Variants in TMEM132C observed in about 807,000 individuals in gnomAD.
The protein encoded by TMEM132C is protein phosphatase 1, regulatory subunit 152.
A neutral mutation model predicts 61.4 loss-of-function variants in TMEM132C; 29 were observed. The observed-to-expected ratio is 0.47, with a 90% CI of 0.35 to 0.64. TMEM132C has a LOEUF of 0.64. TMEM132C is among the 30% of genes least tolerant of loss of function. The pLI is 0.00. For missense variants in TMEM132C, 1,408 were observed against 1,476.9 expected, an observed-to-expected ratio of 0.95 and a Z score of 0.76; for synonymous variants, 656 against 633.1, an observed-to-expected ratio of 1.04 and a Z score of -0.54.
intron 3 of TMEM132C, among the ~76,000 whole-genome samples, chr12:128,573,661 T>C (rs940882800): frequency 1.3e-5 from 2 of 151,508 alleles, no homozygotes; most frequent in African/African-American, 4.9e-5. Flanking sequence ...GTCCAATTCA[T>C]GGGACAGAAA....
intron 1 of TMEM132C, among the ~76,000 whole-genome samples, chr12:128,402,985 C>A (rs1487686747): frequency 6.6e-6 from 1 of 152,190 alleles, no homozygotes; most frequent in African/African-American, 2.4e-5. Context: ...ACTATCCCCC[C>A]AGGGGCTCAG....
intron 2 of TMEM132C, among the ~76,000 whole-genome samples, chr12:128,503,493 T>G (rs1297983475): frequency 6.6e-6 from 1 of 152,190 alleles, no homozygotes; most frequent in African/African-American, 2.4e-5. Context: ...AAGTGGGGGA[T>G]TGGGCTGGAC....
At chr12:128,290,764 A>G (rs946109812) in intron 1 of TMEM132C, among the ~76,000 whole-genome samples, 3 of 151,942 alleles carry the variant, frequency 2.0e-5, no homozygotes, top group African/African-American at 7.3e-5. Context: ...AGGAGAGAAC[A>G]TGATCCCTTA....
chr12:128,416,900 T>C (rs1208480955), intron 2 of TMEM132C, among the ~76,000 whole-genome samples: 2 of 152,162 alleles, frequency 1.3e-5, no homozygotes, highest in East Asian at 3.9e-4. Context: ...CTTACATCTT[T>C]TTATGAGATT....
chr12:128,508,768 G>A (rs531050390), intron 2 of TMEM132C, among the ~76,000 whole-genome samples: 15 of 152,330 alleles, frequency 9.8e-5, no homozygotes, highest in Admixed American at 2.0e-4. Flanking sequence ...ATCTGTAGCT[G>A]TTGACACCCG....
intron 3 of TMEM132C, among the ~76,000 whole-genome samples, chr12:128,589,341 C>T (rs1245615987): frequency 6.6e-6 from 1 of 152,174 alleles, no homozygotes; most frequent in Non-Finnish European, 1.5e-5. Flanking sequence ...TTTCTGCAGC[C>T]TGCATCCCTC....
intron 1 of TMEM132C, among the ~76,000 whole-genome samples, chr12:128,359,254 C>T (rs1443703316): frequency 6.6e-6 from 1 of 152,188 alleles, no homozygotes; most frequent in Non-Finnish European, 1.5e-5. Flanking sequence ...CCTCACAGTT[C>T]CTCATGGCTG....
rs139117012 is a variant in TMEM132C at position 128,508,565 on chromosome 12, C to T, written c.975-35392C>T. 1.2e-4 allele frequency among the ~76,000 whole-genome samples: 18 copies of T among 152,302 alleles called. 1 individual carries two copies. Among genetic ancestry groups the T allele is most frequent in the African/African-American group, 3.8e-4 (16 of 41,568 alleles). ...CAGCTGTGTGCAGAGCCACTTCCTGCGGCCTCCAAGCAAGTGCTGCATGCA... is the reference window on the plus strand; with the variant it reads ...CAGCTGTGTGCAGAGCCACTTCCTGTGGCCTCCAAGCAAGTGCTGCATGCA... On this transcript the variant is annotated intron_variant, in intron 2 of 8. Transcript: ENST00000435159.
At chr12:128,311,451 A>G (rs1293851139) in intron 1 of TMEM132C, among the ~76,000 whole-genome samples, 2 of 152,190 alleles carry the variant, frequency 1.3e-5, no homozygotes, top group Non-Finnish European at 2.9e-5. Context: ...GATGAGAGGG[A>G]CACAGCAGGC....
chr12:128,458,299 A>AGTT (rs1431487349), intron 2 of TMEM132C, among the ~76,000 whole-genome samples: 2 of 1,954 alleles, frequency 1.0e-3, no homozygotes, highest in African/African-American at 1.1e-3. Flanking sequence ...GTAATTATAT[A>AGTT]ATTATACTAA....
chr12:128,517,124 A>G (rs1454816491), intron 2 of TMEM132C, among the ~76,000 whole-genome samples: 1 of 151,586 alleles, frequency 6.6e-6, no homozygotes, highest in Non-Finnish European at 1.5e-5. Context: ...GCAGCTACTC[A>G]TGAGTCTGGG....
intron 2 of TMEM132C, among the ~76,000 whole-genome samples, chr12:128,430,817 T>C (rs551578972): frequency 6.6e-6 from 1 of 152,308 alleles, no homozygotes; most frequent in East Asian, 1.9e-4. Context: ...GATGACAAAT[T>C]TAATAAATGT....
At chr12:128,441,295 A>G (rs1869776263) in intron 2 of TMEM132C, among the ~76,000 whole-genome samples, 1 of 152,162 alleles carries the variant, frequency 6.6e-6, no homozygotes, top group Admixed American at 6.5e-5. Flanking sequence ...CTTCACTCAC[A>G]TAGTACCCAC....
At chr12:128,429,408 GT>G (rs1352953910) in intron 2 of TMEM132C, among the ~76,000 whole-genome samples, 1 of 152,170 alleles carries the variant, frequency 6.6e-6, no homozygotes, top group Non-Finnish European at 1.5e-5. Context: ...ACAGCCATAG[GT>G]TATAACCAAT....
intron 2 of TMEM132C, among the ~76,000 whole-genome samples, chr12:128,508,163 G>A (rs12371898): frequency 0.12 from 17,821 of 152,162 alleles, 1,176 homozygotes; most frequent in African/African-American, 0.17. Context: ...GAGGCCTCAC[G>A]ATCATGGCAG....
In TMEM132C at chr12:128,543,880, A is replaced by G; in HGVS notation, c.975-77A>G. ...AGCAAAACAGAAACTAAAGGTGACA[A>G]CTCTGCAGAGCTGGGCACGTTGGAA... On this transcript the variant is annotated intron_variant, in intron 2 of 8. Coordinates refer to ENST00000435159, the MANE Select transcript of TMEM132C (RefSeq NM_001136103.3). 3.4e-6 allele frequency: 5 copies of G among 1,489,778 alleles called. No homozygotes were observed. The Middle Eastern group carries it at 6.9e-4, about 206-fold the overall frequency. The allele number at this position is 1,489,778 out of a possible 1,614,324, so 92.3% of individuals were successfully genotyped here.
intron 2 of TMEM132C, among the ~76,000 whole-genome samples, chr12:128,535,080 A>C (rs1046566885): frequency 6.6e-6 from 1 of 152,232 alleles, no homozygotes; most frequent in East Asian, 1.9e-4. Flanking sequence ...TGCTAGGGGC[A>C]ATGGGGACTT....
At chr12:128,523,192 A>G (rs1207874957) in intron 2 of TMEM132C, among the ~76,000 whole-genome samples, 1 of 152,198 alleles carries the variant, frequency 6.6e-6, no homozygotes, top group Non-Finnish European at 1.5e-5. Flanking sequence ...TTCCGCTTAC[A>G]TGAGATGTCT....
chr12:128,430,485 C>A (rs1869347341), intron 2 of TMEM132C, among the ~76,000 whole-genome samples: 1 of 152,146 alleles, frequency 6.6e-6, no homozygotes, highest in Non-Finnish European at 1.5e-5. Flanking sequence ...AAAAATAGAA[C>A]TTAAGCTCAA....
Sources: gnomAD v4.1 joint callset for allele counts (sites outside exome capture counted in the v4.1 genomes callset) on GRCh38, gnomAD v4.1.1 for gene constraint, MANE v1.5 for transcripts, NCBI Gene and HGNC (gene_info 2026-07-23, HGNC 2026-07-21) for gene names.